ITGA1: variants seen among roughly 807,000 people sequenced by gnomAD.
The protein encoded by ITGA1 is integrin alpha-1.
In ITGA1, 85 loss-of-function variants were observed where a neutral mutation model predicts 145.9. The ratio of observed to expected loss-of-function variants is 0.58; its 90% CI spans 0.49 to 0.70. The LOEUF (loss-of-function observed/expected upper bound fraction) is 0.70. Ranked by LOEUF, ITGA1 falls within the 30% of genes least tolerant of loss-of-function variation. The pLI is 0.00. For missense variants in ITGA1, 1,351 were observed against 1,418.7 expected (o/e 0.95, Z 0.77); for synonymous variants, 520 against 495.3 (o/e 1.05, Z -0.66).
At chr5:52,820,140 G>A (rs1021610052) in intron 1 of ITGA1, among the ~76,000 whole-genome samples, 1 of 151,610 alleles carries the variant, frequency 6.6e-6, no homozygotes, top group Non-Finnish European at 1.5e-5. Flanking sequence ...CTCATTTTTG[G>A]TTCCATATGA....
At chr5:52,918,125 A>G (rs867732692) in intron 15 of ITGA1, among the ~76,000 whole-genome samples, 2 of 152,202 alleles carry the variant, frequency 1.3e-5, no homozygotes, top group Admixed American at 6.5e-5. Context: ...TTAAAATCCC[A>G]GGTTTTTCCT....
chr5:52,914,608 A>AAG (rs1554046633), intron 14 of ITGA1, among the ~76,000 whole-genome samples: 5 of 150,064 alleles, frequency 3.3e-5, no homozygotes, highest in Admixed American at 2.7e-4. Flanking sequence ...AAAAAAAAAA[A>AAG]GGGGGGGAAA....
chr5:52,805,185 A>G lies in ITGA1; in HGVS notation c.61+16771A>G, dbSNP rs867508114. On this transcript the variant is annotated intron_variant, in intron 1 of 28. Coordinates refer to ENST00000282588, the MANE Select transcript of ITGA1 (RefSeq NM_181501.2). ...AAATATGGAGAAATTAAGTGGGAAGATGGGGAGGGGAAGTGTGCTAATCAC... is the reference window on the plus strand; with the variant it reads ...AAATATGGAGAAATTAAGTGGGAAGGTGGGGAGGGGAAGTGTGCTAATCAC... Among the ~76,000 whole-genome samples the G allele has an allele frequency of 3.3e-5, 5 of 152,112 alleles. No homozygotes were observed. The South Asian group carries it at 6.2e-4, about 19-fold the overall frequency.
At position 52,956,627 on chromosome 5, in the gene ITGA1, C is replaced by T. The variant is rs1212814186; in HGVS notation, c.*4176C>T. The stretch of plus-strand genomic sequence containing the variant: ...CTTCCAAGCTGGAACATCTTTAAGA[C>T]ATTTACAAACTGTTATGGGACACTA... On this transcript the variant is annotated 3_prime_UTR_variant, in exon 29 of 29. Coordinates refer to ENST00000282588, the MANE Select transcript of ITGA1 (RefSeq NM_181501.2). The T allele has an allele frequency of 6.6e-6, 1 of 152,182 alleles. No individual in the cohort carries two copies. The highest frequency in any genetic ancestry group is 2.4e-5 in the African/African-American group (1 of 41,426). The allele number at this position is 152,182 out of a possible 1,614,324, so 9.4% of individuals were successfully genotyped here.
intron 6 of ITGA1, among the ~76,000 whole-genome samples, chr5:52,878,329 T>G (rs1469307257): frequency 1.3e-5 from 2 of 152,174 alleles, no homozygotes; most frequent in Non-Finnish European, 2.9e-5. Context: ...AGAATAAGCT[T>G]TTAGAAGCCA....
intron 6 of ITGA1, among the ~76,000 whole-genome samples, chr5:52,878,839 TG>T (rs950985342): frequency 2.0e-5 from 3 of 152,028 alleles, no homozygotes; most frequent in Non-Finnish European, 2.9e-5. Flanking sequence ...AGGAGATAAT[TG>T]GATTTAACCC....
chr5:52,912,289 A>G (rs143110373), intron 14 of ITGA1, among the ~76,000 whole-genome samples: 4 of 145,066 alleles, frequency 2.8e-5, no homozygotes, highest in Non-Finnish European at 6.0e-5. Context: ...TATATATATT[A>G]TCTATATACT....
intron 14 of ITGA1, among the ~76,000 whole-genome samples, chr5:52,912,963 G>T (rs911511520): frequency 6.6e-6 from 1 of 151,924 alleles, no homozygotes; most frequent in South Asian, 2.1e-4. Flanking sequence ...AGCCAGGATG[G>T]TTTTGATCTC....
At position 52,811,950 on chromosome 5, in the gene ITGA1, C is replaced by A. The variant is rs539556558; in HGVS notation, c.61+23536C>A. 2.0e-5 allele frequency among the ~76,000 whole-genome samples: 3 copies of A among 152,240 alleles called. No individual in the cohort carries two copies. In the South Asian group the frequency reaches 6.2e-4, roughly 32 times the overall value. ...TGCCTGAGCCCTACCTCAACTAAGT[C>A]AGAATATTTGGGAAAGGAGCCCAGG... is the stretch of plus-strand genomic sequence containing the variant. On this transcript the variant is annotated intron_variant, in intron 1 of 28. Transcript: ENST00000282588.
chr5:52,805,944 A>G (rs1264983010), intron 1 of ITGA1, among the ~76,000 whole-genome samples: 1 of 152,174 alleles, frequency 6.6e-6, no homozygotes, highest in East Asian at 1.9e-4. Context: ...TTGCTGGTAT[A>G]TCATGTTTAA....
chr5:52,951,091 T>C (rs1751212412), intron 28 of ITGA1, among the ~76,000 whole-genome samples: 2 of 152,134 alleles, frequency 1.3e-5, no homozygotes, highest in African/African-American at 2.4e-5. Context: ...TGAATAAAAA[T>C]TTTCCAACCT....
At chr5:52,941,388 C>G (rs191011916) in intron 26 of ITGA1, among the ~76,000 whole-genome samples, 19 of 152,322 alleles carry the variant, frequency 1.2e-4, no homozygotes, top group Admixed American at 2.6e-4. Flanking sequence ...ACATCCCCAC[C>G]AACAGTGTAT....
At chr5:52,839,985 A>G (rs1291520004) in intron 1 of ITGA1, among the ~76,000 whole-genome samples, 1 of 152,192 alleles carries the variant, frequency 6.6e-6, no homozygotes, top group Non-Finnish European at 1.5e-5. Context: ...AGGAGAATCA[A>G]CAATGGAATC....
chr5:52,874,927 G>A lies in ITGA1; in HGVS notation c.625-6946G>A, dbSNP rs867250217. The stretch of plus-strand genomic sequence containing the variant: ...AGAACATTGTTTCCCAGTCTGAGGT[G>A]TTGAATATGATCCTCACAAAAAAAT... On this transcript the variant is annotated intron_variant, in intron 6 of 28. Transcript: ENST00000282588. Among the ~76,000 whole-genome samples, 5 of 152,148 alleles carry A rather than the reference G, an allele frequency of 3.3e-5. No homozygotes were observed. In the South Asian group the frequency reaches 8.3e-4, roughly 25 times the overall value.
intron 6 of ITGA1, among the ~76,000 whole-genome samples, chr5:52,881,334 C>G (rs1334463805): frequency 6.6e-6 from 1 of 152,182 alleles, no homozygotes; most frequent in East Asian, 1.9e-4. Context: ...GTCTTCTTCA[C>G]ATACACAGTT....
At chr5:52,945,378 T>C in intron 27 of ITGA1, among the ~76,000 whole-genome samples, 1 of 152,212 alleles carries the variant, frequency 6.6e-6, no homozygotes, top group East Asian at 1.9e-4. Flanking sequence ...AAAATGCAGC[T>C]GATATCTGAA....
At chr5:52,803,564 T>C (rs935163058) in intron 1 of ITGA1, 7 of 152,240 alleles carry the variant, frequency 4.6e-5, no homozygotes, top group Non-Finnish European at 1.0e-4. Context: ...TCACCTCAAC[T>C]TGAGAGCTCT....
At chr5:52,866,893 C>T (rs574522745) in intron 6 of ITGA1, 136 of 152,194 alleles carry the variant, frequency 8.9e-4, no homozygotes, top group African/African-American at 3.2e-3. Context: ...AAAATGAAGT[C>T]AATGCCTCAG....
At chr5:52,856,084 G>T (rs1471447367) in intron 2 of ITGA1, among the ~76,000 whole-genome samples, 1 of 152,078 alleles carries the variant, frequency 6.6e-6, no homozygotes, top group Non-Finnish European at 1.5e-5. Flanking sequence ...GCTTTCTCTT[G>T]CCCTAGAGAT....
Sources: gnomAD v4.1 joint callset for allele counts (sites outside exome capture counted in the v4.1 genomes callset) on GRCh38, gnomAD v4.1.1 for gene constraint, MANE v1.5 for transcripts, NCBI Gene and HGNC (gene_info 2026-07-23, HGNC 2026-07-21) for gene names.